CLDN16: variants seen among roughly 807,000 people sequenced by gnomAD.
CLDN16 encodes claudin 16, also known as claudin-16.
A neutral mutation model predicts 24.6 loss-of-function variants in CLDN16; 13 were observed. The observed-to-expected ratio is 0.53, with a 90% CI of 0.34 to 0.84. The LOEUF (loss-of-function observed/expected upper bound fraction) is 0.84, where lower values mean the gene tolerates loss of function less well. Among genes scored for constraint, CLDN16 ranks in the 40% least tolerant of loss-of-function variants. The pLI is 0.01. For missense variants in CLDN16, 298 were observed against 292.7 expected (o/e 1.02, Z -0.13); for synonymous variants, 116 against 106.7 (o/e 1.09, Z -0.54).
At chr3:190,402,202 G>T (rs1718979782) in intron 1 of CLDN16, 135 bp from the exon 2 acceptor site, 1 of 740,016 alleles carries the variant, frequency 1.4e-6, no homozygotes, top group Admixed American at 1.9e-5. Context: ...ATTGTTTGTT[G>T]TAAATGAAGT....
At chr3:190,363,541 C>CGTGTGTGTGTGTGTGT (rs202074908) in intron 1 of CLDN16, among the ~76,000 whole-genome samples, 12 of 16,966 alleles carry the variant, frequency 7.1e-4, no homozygotes, top group African/African-American at 2.0e-3. Context: ...AGTTGCTGTG[C>CGTGTGTGTGTGTGTGT]GTGTGTGTGT....
the CLDN16 span, chr3:190,308,181 A>G: frequency 1.4e-6 from 2 of 1,446,010 alleles, no homozygotes. Flanking sequence ...ACTTCAGATT[A>G]CAATACCCAA....
the CLDN16 span, among the ~76,000 whole-genome samples, chr3:190,297,677 G>A: frequency 0.58 from 80,324 of 138,498 alleles, 23,775 homozygotes; most frequent in African/African-American, 0.71. Context: ...TAGATATTAT[G>A]TAGATATTAA....
At chr3:190,337,619 T>C (rs147643884) in intron 1 of CLDN16, among the ~76,000 whole-genome samples, 199 of 152,326 alleles carry the variant, frequency 1.3e-3, no homozygotes, top group African/African-American at 4.7e-3. Context: ...TATGATAATA[T>C]TCTTTGACAA....
intron 1 of CLDN16, among the ~76,000 whole-genome samples, chr3:190,365,897 G>A (rs898285761): frequency 1.3e-5 from 2 of 151,770 alleles, no homozygotes; most frequent in Non-Finnish European, 2.9e-5. Context: ...TTCAAAGTTC[G>A]AGTGGGTATA....
intron 1 of CLDN16, among the ~76,000 whole-genome samples, chr3:190,347,931 G>T (rs1424961331): frequency 4.0e-5 from 6 of 151,856 alleles, no homozygotes; most frequent in Non-Finnish European, 2.9e-5. Context: ...TGGTGGTACA[G>T]GGCGAGGAAT....
At chr3:190,404,233 C>T (rs1719032027) in intron 2 of CLDN16, among the ~76,000 whole-genome samples, 1 of 152,108 alleles carries the variant, frequency 6.6e-6, no homozygotes, top group African/African-American at 2.4e-5. Context: ...TCTCCTTCTT[C>T]TAAAGATCTC....
intron 1 of CLDN16, among the ~76,000 whole-genome samples, chr3:190,333,167 G>A (rs190601291): frequency 1.3e-5 from 2 of 152,020 alleles, no homozygotes; most frequent in East Asian, 1.9e-4. Flanking sequence ...TGCGTTATGC[G>A]GTAACTCAAA....
At chr3:190,357,971 A>G (rs112692469) in intron 1 of CLDN16, among the ~76,000 whole-genome samples, 4,300 of 151,830 alleles carry the variant, frequency 0.028, 95 homozygotes, top group East Asian at 0.056. Flanking sequence ...CATATTTTTT[A>G]TATTCCCCTG....
At chr3:190,350,866 T>C (rs1192341528) in intron 1 of CLDN16, among the ~76,000 whole-genome samples, 3 of 152,230 alleles carry the variant, frequency 2.0e-5, no homozygotes, top group Admixed American at 6.5e-5. Context: ...CTTTAGTCTA[T>C]AGACAATCTT....
upstream of CLDN16, chr3:190,388,160 A>C (rs1322456654): frequency 6.2e-7 from 1 of 1,613,916 alleles, no homozygotes; most frequent in African/African-American, 1.3e-5. Context: ...GCCTGTTTGT[A>C]TTATTCTTAC....
the CLDN16 span, among the ~76,000 whole-genome samples, chr3:190,316,534 A>C: frequency 1.3e-5 from 2 of 152,234 alleles, no homozygotes; most frequent in Non-Finnish European, 2.9e-5. Flanking sequence ...ACAAGTTACA[A>C]GTGTTTTATG....
Position 190,389,795 on chromosome 3 carries a change from T to C in CLDN16, c.114+1352T>C, listed in dbSNP as rs145912015. 2.6e-3 allele frequency among the ~76,000 whole-genome samples: 399 copies of C among 152,334 alleles called. 1 individual carries two copies. The highest frequency in any genetic ancestry group is 4.2e-3 in the Admixed American group (64 of 15,300). ...TGTCATTAGTTTGCCATTATCTAGA[T>C]GGCCAGTGGTAGGTGATGAATACAG... On this transcript the variant is annotated intron_variant, in intron 1 of 4. Coordinates refer to ENST00000264734, the MANE Select transcript of CLDN16 (RefSeq NM_006580.4).
chr3:190,409,013 G>A (rs1719190534), intron 4 of CLDN16, among the ~76,000 whole-genome samples: 1 of 150,630 alleles, frequency 6.6e-6, no homozygotes. Flanking sequence ...TTGTACATTT[G>A]AATATTGGAC....
Position 190,356,260 on chromosome 3 carries a change from T to A in CLDN16, n.122-14633T>A, listed in dbSNP as rs183341194. Among the ~76,000 whole-genome samples, 248 of 151,888 alleles carry A rather than the reference T, an allele frequency of 1.6e-3. 2 individuals carry two copies. Among genetic ancestry groups the A allele is most frequent in the African/African-American group, 4.8e-3 (201 of 41,472 alleles). On this transcript the variant is annotated intron_variant and non_coding_transcript_variant, in intron 1 of 4. Transcript: ENST00000468220. ...GGAGTTAATAAAAAACAAGCTTGAA[T>A]ATGTCTCTACATTTTTTTTCAGACC...
the CLDN16 span, among the ~76,000 whole-genome samples, chr3:190,298,127 A>C: frequency 6.6e-6 from 1 of 152,184 alleles, no homozygotes; most frequent in Non-Finnish European, 1.5e-5. Context: ...AACAAAAAAG[A>C]ATAGTTATGT....
chr3:190,380,895 G>A (rs1167363619), intron 3 of CLDN16, among the ~76,000 whole-genome samples: 1 of 152,088 alleles, frequency 6.6e-6, no homozygotes, highest in East Asian at 1.9e-4. Context: ...AATGGAAATG[G>A]TTCTATAAAA....
chr3:190,293,876 A>G, the CLDN16 span, among the ~76,000 whole-genome samples: 1 of 152,152 alleles, frequency 6.6e-6, no homozygotes, highest in East Asian at 1.9e-4. Flanking sequence ...ACAGAGGGAG[A>G]GAAATGGGAT....
chr3:190,316,102 G>A, the CLDN16 span, among the ~76,000 whole-genome samples: 4 of 152,232 alleles, frequency 2.6e-5, no homozygotes, highest in Admixed American at 2.0e-4. Flanking sequence ...TGATTGCTAA[G>A]AAACCTATCA....
Sources: allele counts gnomAD v4.1 joint callset (sites outside exome capture counted in the v4.1 genomes callset), GRCh38; gene constraint gnomAD v4.1.1; transcripts MANE v1.5; gene names NCBI Gene and HGNC (gene_info 2026-07-23, HGNC 2026-07-21).